RAPGEF4: variants seen among roughly 807,000 people sequenced by gnomAD.
RAPGEF4 encodes Rap guanine nucleotide exchange factor 4.
A neutral mutation model predicts 147.9 loss-of-function variants in RAPGEF4; 66 were observed. The ratio of observed to expected loss-of-function variants is 0.45; its 90% CI spans 0.37 to 0.55. RAPGEF4 has a LOEUF of 0.55. Among genes scored for constraint, RAPGEF4 ranks in the 20% least tolerant of loss-of-function variants. The pLI is 0.00. For missense variants in RAPGEF4, 1,071 were observed against 1,257.3 expected, an observed-to-expected ratio of 0.85 and a Z score of 2.24; for synonymous variants, 419 against 442.7, an observed-to-expected ratio of 0.95 and a Z score of 0.67.
At chr2:173,032,381 G>A (rs1309239847) in intron 26 of RAPGEF4, among the ~76,000 whole-genome samples, 4 of 152,108 alleles carry the variant, frequency 2.6e-5, no homozygotes, top group Non-Finnish European at 5.9e-5. Context: ...AGCATGGGGG[G>A]GTGGATAAAT....
chr2:172,741,148 G>A (rs747973850), intron 1 of RAPGEF4, among the ~76,000 whole-genome samples: 6 of 152,220 alleles, frequency 3.9e-5, no homozygotes, highest in East Asian at 1.9e-4. Context: ...CCAGGACAGC[G>A]TGGCTGCCAC....
intron 4 of RAPGEF4, among the ~76,000 whole-genome samples, chr2:172,863,652 A>G (rs1272621203): frequency 6.6e-6 from 1 of 152,226 alleles, no homozygotes; most frequent in Non-Finnish European, 1.5e-5. Context: ...AAGTTTGGCA[A>G]CTGTTATTCC....
chr2:172,751,370 G>T (rs1029974371), intron 1 of RAPGEF4, among the ~76,000 whole-genome samples: 1 of 152,166 alleles, frequency 6.6e-6, no homozygotes, highest in Admixed American at 6.5e-5. Flanking sequence ...ACGATTTATG[G>T]GGTACCTAGT....
intron 4 of RAPGEF4, among the ~76,000 whole-genome samples, chr2:172,886,560 T>A (rs1169975501): frequency 2.6e-5 from 4 of 152,218 alleles, no homozygotes; most frequent in Non-Finnish European, 5.9e-5. Context: ...ATTTGTCCCT[T>A]GTCTTGAGAA....
At chr2:172,923,269 T>A (rs1229332912) in intron 6 of RAPGEF4, among the ~76,000 whole-genome samples, 1 of 152,016 alleles carries the variant, frequency 6.6e-6, no homozygotes, top group Non-Finnish European at 1.5e-5. Flanking sequence ...GGGGGTTGAT[T>A]TTGGTTTTTG....
chr2:172,975,932 C>A (rs1172959821), intron 10 of RAPGEF4, among the ~76,000 whole-genome samples: 1 of 152,182 alleles, frequency 6.6e-6, no homozygotes, highest in Non-Finnish European at 1.5e-5. Flanking sequence ...TGGAAGAATG[C>A]TGGGCATATA....
intron 4 of RAPGEF4, among the ~76,000 whole-genome samples, chr2:172,898,435 C>T (rs188385456): frequency 6.6e-6 from 1 of 152,278 alleles, no homozygotes; most frequent in African/African-American, 2.4e-5. Flanking sequence ...TTGCCCCCCA[C>T]CATTTTCTCT....
chr2:172,871,414 T>C (rs879150296), intron 4 of RAPGEF4, among the ~76,000 whole-genome samples: 5 of 152,140 alleles, frequency 3.3e-5, no homozygotes, highest in Admixed American at 3.3e-4. Flanking sequence ...CTCACAGAAA[T>C]GGCTTACAGA....
rs1449736842 is a variant in RAPGEF4 at position 173,018,454 on chromosome 2, A to G, written c.2009-202A>G. 2.0e-5 allele frequency among the ~76,000 whole-genome samples: 3 copies of G among 152,192 alleles called. No homozygotes were observed. In the South Asian group the frequency reaches 6.2e-4, roughly 31 times the overall value. Reference sequence around the variant, plus strand: ...GTTCTTTTAATTGGACTTGGCAACCATATGTGCACCTATTCTTAGACCAAT... The same window carrying G: ...GTTCTTTTAATTGGACTTGGCAACCGTATGTGCACCTATTCTTAGACCAAT... On this transcript the variant is annotated intron_variant, in intron 21 of 30. Transcript: ENST00000397081.
intron 14 of RAPGEF4, among the ~76,000 whole-genome samples, chr2:172,990,500 TA>T (rs1333400057): frequency 3.3e-5 from 5 of 152,104 alleles, no homozygotes; most frequent in African/African-American, 1.2e-4. Flanking sequence ...TTTTTATAAC[TA>T]ATAAATGCCT....
chr2:172,811,727 C>G (rs1688044054), intron 3 of RAPGEF4, among the ~76,000 whole-genome samples: 2 of 152,202 alleles, frequency 1.3e-5, no homozygotes, highest in African/African-American at 4.8e-5. Context: ...GTGTGGATAT[C>G]TAAGAGTGCT....
rs1015948197 is a variant in RAPGEF4, at chr2:172,814,349, G to A, written c.368G>A (p.Arg123His). 7 of 1,613,988 alleles carry A rather than the reference G, an allele frequency of 4.3e-6. No homozygotes were observed. Among genetic ancestry groups the A allele is most frequent in the African/African-American group, 4.0e-5 (3 of 74,912 alleles). ...GAGTCCATTCTGGACAACACACCCC[G>A]CCATGCAACCATCGTTACCAGGGAG... ...FGESILDNTP[R>H]HATIVTRESS... is the part of the protein sequence containing the mutation. Residue 123 changes from arginine (R) to histidine (H), a missense_variant, in exon 4 of 31, where the codon CGC becomes CAC. By Grantham distance (29) the Arg-to-His change is conservative. Coordinates refer to ENST00000397081, the MANE Select transcript of RAPGEF4 (RefSeq NM_007023.4).
At chr2:172,909,704 T>C (rs1445649230) in intron 4 of RAPGEF4, among the ~76,000 whole-genome samples, 1 of 152,230 alleles carries the variant, frequency 6.6e-6, no homozygotes, top group Admixed American at 6.5e-5. Flanking sequence ...GCGGGCCTTA[T>C]TGAGCACAGG....
chr2:172,940,072 A>G (rs2105322365), intron 6 of RAPGEF4, among the ~76,000 whole-genome samples: 1 of 152,112 alleles, frequency 6.6e-6, no homozygotes, highest in East Asian at 1.9e-4. Flanking sequence ...TAACTATGAC[A>G]GTTTTAAGAG....
intron 1 of RAPGEF4, among the ~76,000 whole-genome samples, chr2:172,792,230 C>T (rs1685899078): frequency 6.6e-6 from 1 of 152,206 alleles, no homozygotes; most frequent in African/African-American, 2.4e-5. Context: ...TTGCTGCCCC[C>T]CAGACACACC....
At chr2:172,849,294 C>T (rs1291340903) in intron 4 of RAPGEF4, among the ~76,000 whole-genome samples, 1 of 152,142 alleles carries the variant, frequency 6.6e-6, no homozygotes, top group Non-Finnish European at 1.5e-5. Context: ...GTTTAAATAT[C>T]TCCAGCTTTC....
chr2:173,011,170 G>GCGCGCGCGCGCACACACACACA (rs564434178), intron 17 of RAPGEF4, among the ~76,000 whole-genome samples: 4 of 133,500 alleles, frequency 3.0e-5, no homozygotes, highest in African/African-American at 8.6e-5. Flanking sequence ...GCGCGCGCGC[G>GCGCGCGCGCGCACACACACACA]CACACACACA....
chr2:173,025,653 G>C (rs557377718), intron 23 of RAPGEF4, among the ~76,000 whole-genome samples: 1 of 152,312 alleles, frequency 6.6e-6, no homozygotes, highest in East Asian at 1.9e-4. Context: ...ATGTTGGCCA[G>C]GCTTGTCTTG....
intron 4 of RAPGEF4, among the ~76,000 whole-genome samples, chr2:172,836,513 A>G (rs1469261780): frequency 2.0e-5 from 3 of 152,230 alleles, no homozygotes; most frequent in Non-Finnish European, 4.4e-5. Context: ...CTGGTAGAAT[A>G]ATAACACTGC....
Sources: gnomAD v4.1 joint callset for allele counts (sites outside exome capture counted in the v4.1 genomes callset) on GRCh38, gnomAD v4.1.1 for gene constraint, MANE v1.5 for transcripts, NCBI Gene and HGNC (gene_info 2026-07-23, HGNC 2026-07-21) for gene names.